The following BNC2 variants were observed in gnomAD, a reference collection of about 807,000 sequenced individuals.
BNC2 encodes the protein zinc finger protein basonuclin-2.
BNC2 carries 20 observed loss-of-function variants against 76.3 expected under a neutral mutation model. The observed-to-expected ratio is 0.26, with a 90% CI of 0.18 to 0.38. The LOEUF is 0.38. Among genes scored for constraint, BNC2 ranks in the 10% least tolerant of loss-of-function variants. The pLI is 1.00. For missense variants in BNC2, 1,382 were observed against 1,399.8 expected (o/e 0.99, Z 0.20); for synonymous variants, 582 against 514.8 (o/e 1.13, Z -1.77).
chr9:16,857,893 G>A (rs1158324534), intron 1 of BNC2, among the ~76,000 whole-genome samples: 1 of 152,172 alleles, frequency 6.6e-6, no homozygotes, highest in Admixed American at 6.5e-5. Flanking sequence ...CAACAATGAA[G>A]CAATATAGCT....
At chr9:16,720,804 G>T (rs1486119140) in intron 3 of BNC2, among the ~76,000 whole-genome samples, 1 of 152,104 alleles carries the variant, frequency 6.6e-6, no homozygotes, top group Admixed American at 6.5e-5. Context: ...AAAGCTCTAT[G>T]AATGAAGAAA....
chr9:16,663,980 G>T (rs1822189936), intron 3 of BNC2, among the ~76,000 whole-genome samples: 1 of 152,168 alleles, frequency 6.6e-6, no homozygotes, highest in Non-Finnish European at 1.5e-5. Context: ...CCCCTGGCAA[G>T]AAAAGGGCTA....
intron 3 of BNC2, among the ~76,000 whole-genome samples, chr9:16,700,777 T>C (rs995831425): frequency 6.6e-6 from 1 of 152,020 alleles, no homozygotes; most frequent in Non-Finnish European, 1.5e-5. Flanking sequence ...CTGGCTAACA[T>C]GGTGAAACCC....
intron 3 of BNC2, among the ~76,000 whole-genome samples, chr9:16,689,311 A>C (rs934072252): frequency 6.6e-6 from 1 of 152,174 alleles, no homozygotes; most frequent in African/African-American, 2.4e-5. Flanking sequence ...GGACAAAGGA[A>C]AAAAGAGAAA....
chr9:16,640,523 T>G (rs1821462085), intron 3 of BNC2, among the ~76,000 whole-genome samples: 1 of 152,086 alleles, frequency 6.6e-6, no homozygotes, highest in South Asian at 2.1e-4. Flanking sequence ...AAGCAGAGAG[T>G]CCTCCTGTTC....
chr9:16,823,801 C>T (rs1048236748), intron 1 of BNC2, among the ~76,000 whole-genome samples: 3 of 152,148 alleles, frequency 2.0e-5, no homozygotes, highest in African/African-American at 4.8e-5. Flanking sequence ...CAGGAAGTAA[C>T]TTCAAGCTCT....
At chr9:16,835,499 G>A (rs776026627) in intron 1 of BNC2, among the ~76,000 whole-genome samples, 2 of 151,768 alleles carry the variant, frequency 1.3e-5, no homozygotes, top group Non-Finnish European at 2.9e-5. Context: ...AGGAGTTCGA[G>A]GCCAGCCTGA....
intron 1 of BNC2, among the ~76,000 whole-genome samples, chr9:16,811,230 CAA>C (rs58068661): frequency 8.2e-5 from 8 of 97,544 alleles, no homozygotes; most frequent in African/African-American, 1.1e-4. Context: ...CTCAAAAGAC[CAA>C]AAAAAAAAAA....
chr9:16,780,155 G>A (rs1407546147), intron 1 of BNC2, among the ~76,000 whole-genome samples: 11 of 138,176 alleles, frequency 8.0e-5, no homozygotes, highest in Admixed American at 5.6e-4. Context: ...AGAATGGCGC[G>A]AACCTGGGAG....
chr9:16,780,290 T>A (rs1183667467), intron 1 of BNC2, among the ~76,000 whole-genome samples: 2 of 120,220 alleles, frequency 1.7e-5, no homozygotes, highest in Admixed American at 8.7e-5. Context: ...TAAAAACATC[T>A]TGGCTGGGCT....
chr9:16,466,045 CAG>C (rs1486160509), intron 5 of BNC2, among the ~76,000 whole-genome samples: 1 of 107,888 alleles, frequency 9.3e-6, no homozygotes, highest in Non-Finnish European at 1.8e-5. Context: ...AACAGACAAA[CAG>C]AGAGCCAAAT....
chr9:16,723,584 G>T (rs1824230287), intron 3 of BNC2, among the ~76,000 whole-genome samples: 1 of 151,834 alleles, frequency 6.6e-6, no homozygotes, highest in Non-Finnish European at 1.5e-5. Context: ...AGAAAAAAAA[G>T]ATTTCTTGAG....
At chr9:16,822,645 T>A (rs1313775403) in intron 1 of BNC2, among the ~76,000 whole-genome samples, 3 of 152,224 alleles carry the variant, frequency 2.0e-5, no homozygotes, top group African/African-American at 7.2e-5. Context: ...CCAAAGTTGT[T>A]GTCATTTGCC....
intron 3 of BNC2, among the ~76,000 whole-genome samples, chr9:16,656,888 GA>G (rs1162108358): frequency 6.6e-6 from 1 of 152,174 alleles, no homozygotes; most frequent in Non-Finnish European, 1.5e-5. Context: ...AATGAATGGG[GA>G]AACAGAAGTC....
chr9:16,784,888 A>T (rs796309369), intron 1 of BNC2, among the ~76,000 whole-genome samples: 4 of 152,338 alleles, frequency 2.6e-5, no homozygotes, highest in African/African-American at 9.6e-5. Context: ...ATGCAAACTA[A>T]AACAATCTAC....
chr9:16,782,687 G>C (rs1826187153), intron 1 of BNC2, among the ~76,000 whole-genome samples: 1 of 152,084 alleles, frequency 6.6e-6, no homozygotes, highest in African/African-American at 2.4e-5. Flanking sequence ...CTGGGCTTAG[G>C]GGTTCCACAC....
intron 3 of BNC2, among the ~76,000 whole-genome samples, chr9:16,608,342 G>T (rs759118885): frequency 2.0e-5 from 3 of 151,794 alleles, no homozygotes; most frequent in Non-Finnish European, 4.4e-5. Flanking sequence ...AAATAAAAAC[G>T]TTTCTTCCCC....
intron 1 of BNC2, among the ~76,000 whole-genome samples, chr9:16,758,141 G>A (rs1825442372): frequency 6.6e-6 from 1 of 152,100 alleles, no homozygotes; most frequent in Non-Finnish European, 1.5e-5. Flanking sequence ...CCTTAGCTTA[G>A]GGCCCAGATG....
At chr9:16,587,467 C>T (rs1409727580) in intron 3 of BNC2, among the ~76,000 whole-genome samples, 2 of 152,118 alleles carry the variant, frequency 1.3e-5, no homozygotes, top group Non-Finnish European at 2.9e-5. Context: ...TTATGTATCC[C>T]TTCCTTTCCT....
Sources: gnomAD v4.1 joint callset for allele counts (sites outside exome capture counted in the v4.1 genomes callset) on GRCh38, gnomAD v4.1.1 for gene constraint, MANE v1.5 for transcripts, NCBI Gene and HGNC (gene_info 2026-07-23, HGNC 2026-07-21) for gene names.